Variants in IFNGR2 observed in about 807,000 individuals in gnomAD.
The protein encoded by IFNGR2 is IFN-gamma receptor 2.
In IFNGR2, 15 loss-of-function variants were observed where a neutral mutation model predicts 41.1. The ratio of observed to expected loss-of-function variants is 0.37; its 90% CI spans 0.24 to 0.56. The LOEUF (loss-of-function observed/expected upper bound fraction) is 0.56, where lower values mean the gene tolerates loss of function less well. Among genes scored for constraint, IFNGR2 ranks in the 20% least tolerant of loss-of-function variants. The pLI, the probability that IFNGR2 is intolerant of heterozygous loss-of-function variation, is 0.81. For synonymous variants in IFNGR2, 161 were observed against 171.6 expected, an observed-to-expected ratio of 0.94 and a Z score of 0.48; for missense variants, 362 against 415.7, an observed-to-expected ratio of 0.87 and a Z score of 1.12.
chr21:33,411,689 G>A, intron 1 of IFNGR2: 1 of 299,592 alleles, frequency 3.3e-6, no homozygotes, highest in Non-Finnish European at 6.8e-6. Context: ...CAGTACCAGG[G>A]AGACAAGAAG....
chr21:33,414,263 G>C (rs1239823205), intron 1 of IFNGR2, among the ~76,000 whole-genome samples: 1 of 152,188 alleles, frequency 6.6e-6, no homozygotes, highest in African/African-American at 2.4e-5. Flanking sequence ...GGGTCCTTGA[G>C]AGACGACAAC....
At chr21:33,436,284 G>A (rs957953969) in intron 6 of IFNGR2, among the ~76,000 whole-genome samples, 11 of 150,840 alleles carry the variant, frequency 7.3e-5, no homozygotes, top group Admixed American at 6.0e-4. Flanking sequence ...AGATGAGATC[G>A]TGTCATTGCA....
chr21:33,423,681 C>T (rs976104384), intron 3 of IFNGR2, among the ~76,000 whole-genome samples: 2 of 152,054 alleles, frequency 1.3e-5, no homozygotes, highest in African/African-American at 4.8e-5. Context: ...GGATTACAGG[C>T]GTGAGAGCCA....
At chr21:33,425,251 C>T (rs1012594013) in intron 3 of IFNGR2, among the ~76,000 whole-genome samples, 1 of 152,110 alleles carries the variant, frequency 6.6e-6, no homozygotes, top group Non-Finnish European at 1.5e-5. Context: ...TGACACTGAT[C>T]GTGAGAGGCT....
intron 5 of IFNGR2, 187 bp from the exon 6 acceptor site, chr21:33,432,527 G>C: frequency 2.4e-6 from 2 of 845,068 alleles, no homozygotes; most frequent in Non-Finnish European, 3.9e-6. Context: ...GCTACCACTT[G>C]CTTTATTTCA....
Position 33,435,206 on chromosome 21 carries a change from C to G in IFNGR2, c.880-1622C>G, listed in dbSNP as rs184784790. On this transcript the variant is annotated intron_variant, in intron 6 of 6. Coordinates refer to ENST00000290219, the MANE Select transcript of IFNGR2 (RefSeq NM_005534.4). ...GGGAAATTAATCGCTGGGAAACACC[C>G]CTTTATATGTTAAGGCCTAAGGCCC... Among the ~76,000 whole-genome samples the G allele has an allele frequency of 3.7e-4, 57 of 152,228 alleles. No homozygotes were observed. In the East Asian group the frequency reaches 7.3e-3, roughly 20 times the overall value.
chr21:33,422,921 C>T (rs567171480), intron 3 of IFNGR2, among the ~76,000 whole-genome samples: 42 of 128,644 alleles, frequency 3.3e-4, no homozygotes, highest in African/African-American at 1.2e-3. Context: ...ATCCAAAGAA[C>T]AGGAGGGACA....
Position 33,432,225 on chromosome 21 carries a change from C to T in IFNGR2, c.610C>T (p.Pro204Ser), listed in dbSNP as rs963619980. Reference sequence around the variant, plus strand: ...CTCCATTTCATTGGATAACTTAAAACCCTCCAGAGTGTACTGTTTACAAGT... The same window carrying T: ...CTCCATTTCATTGGATAACTTAAAATCCTCCAGAGTGTACTGTTTACAAGT... ...SNSISLDNLK[P>S]SRVYCLQVQA... Residue 204 changes from proline (P) to serine (S), a missense_variant, in exon 5 of 7, where the codon CCC (proline) becomes TCC (serine). Coordinates refer to ENST00000290219, the MANE Select transcript of IFNGR2 (RefSeq NM_005534.4). The T allele has an allele frequency of 5.0e-6, 8 of 1,613,876 alleles. No homozygotes were observed. Among genetic ancestry groups the T allele is most frequent in the Admixed American group, 3.3e-5 (2 of 60,000 alleles).
chr21:33,428,054 T>C (rs1336517991), intron 4 of IFNGR2, among the ~76,000 whole-genome samples: 1 of 151,702 alleles, frequency 6.6e-6, no homozygotes, highest in African/African-American at 2.4e-5. Context: ...TACTAATCCG[T>C]TTGCAGAGAG....
chr21:33,413,957 T>G (rs1003225767), intron 1 of IFNGR2, among the ~76,000 whole-genome samples: 18 of 149,938 alleles, frequency 1.2e-4, no homozygotes, highest in Non-Finnish European at 1.5e-4. Context: ...CTCAGCCTCC[T>G]GAGTAGCTGG....
chr21:33,431,298 G>A (rs1031538996), intron 4 of IFNGR2, among the ~76,000 whole-genome samples: 7 of 152,150 alleles, frequency 4.6e-5, no homozygotes, highest in South Asian at 2.1e-4. Flanking sequence ...GGCCAGGCGC[G>A]GTGGCTCACG....
chr21:33,427,208 C>T (rs749378402), intron 4 of IFNGR2, among the ~76,000 whole-genome samples, 176 bp downstream of exon 4: 1 of 152,146 alleles, frequency 6.6e-6, no homozygotes, highest in Non-Finnish European at 1.5e-5. Context: ...TTTTTCCACT[C>T]GGTTTGCTGA....
At chr21:33,416,629 T>C (rs541486397) in intron 2 of IFNGR2, among the ~76,000 whole-genome samples, 11 of 152,054 alleles carry the variant, frequency 7.2e-5, no homozygotes, top group Non-Finnish European at 1.5e-4. Flanking sequence ...GAGACCATCC[T>C]GGCTAACACG....
intron 1 of IFNGR2, among the ~76,000 whole-genome samples, chr21:33,404,021 C>G (rs2083660113): frequency 6.6e-6 from 1 of 152,220 alleles, no homozygotes; most frequent in Non-Finnish European, 1.5e-5. Flanking sequence ...GCCACCTCCC[C>G]CACCCGCGCG....
rs917581605 is a variant in IFNGR2 at position 33,426,847 on chromosome 21, G to A, written c.413-37G>A. 5 of 1,546,982 alleles carry A rather than the reference G, an allele frequency of 3.2e-6. No homozygotes were observed. In the Admixed American group the frequency reaches 6.7e-5, roughly 21 times the overall value. ...TGTATTATATCTATAATACATATGTGTATGTGTGTGGTTTTCTCTTTGTAA... is the reference window on the plus strand; with the variant it reads ...TGTATTATATCTATAATACATATGTATATGTGTGTGGTTTTCTCTTTGTAA... On this transcript the variant is annotated intron_variant, in intron 3 of 6. Transcript: ENST00000290219.
intron 1 of IFNGR2, among the ~76,000 whole-genome samples, chr21:33,405,005 A>C (rs548061323): frequency 6.6e-6 from 1 of 150,834 alleles, no homozygotes; most frequent in Non-Finnish European, 1.5e-5. Flanking sequence ...TGTAATCCCA[A>C]CTACTCAGGA....
chr21:33,428,943 C>T (rs1472438444), intron 4 of IFNGR2, among the ~76,000 whole-genome samples: 1 of 152,170 alleles, frequency 6.6e-6, no homozygotes, highest in Non-Finnish European at 1.5e-5. Context: ...GGCAGGGCTG[C>T]CCAGCACTGG....
intron 2 of IFNGR2, among the ~76,000 whole-genome samples, chr21:33,417,641 G>T (rs756233323): frequency 6.6e-6 from 1 of 152,182 alleles, no homozygotes. Context: ...GATGGCAACC[G>T]CAGAGCATCA....
At chr21:33,433,078 G>A (rs2083906326) in intron 6 of IFNGR2, among the ~76,000 whole-genome samples, 1 of 152,070 alleles carries the variant, frequency 6.6e-6, no homozygotes, top group African/African-American at 2.4e-5. Context: ...TAGAAACAGG[G>A]TTTTGCTATG....
Sources: gnomAD v4.1 joint callset for allele counts (sites outside exome capture counted in the v4.1 genomes callset) on GRCh38, gnomAD v4.1.1 for gene constraint, MANE v1.5 for transcripts, NCBI Gene and HGNC (gene_info 2026-07-23, HGNC 2026-07-21) for gene names.